Variants in SLC24A2 observed in about 807,000 individuals in gnomAD.
SLC24A2 encodes the protein sodium/potassium/calcium exchanger 2.
Under a neutral mutation model 62.0 loss-of-function variants are expected in SLC24A2, and 36 were observed. The observed-to-expected ratio is 0.58, with a 90% CI of 0.44 to 0.77. The LOEUF (loss-of-function observed/expected upper bound fraction) is 0.77, where lower values mean the gene tolerates loss of function less well. Among genes scored for constraint, SLC24A2 ranks in the 30% least tolerant of loss-of-function variants. The pLI is 0.00. For missense variants in SLC24A2, 846 were observed against 817.9 expected, an observed-to-expected ratio of 1.03 and a Z score of -0.42; for synonymous variants, 358 against 294.0, an observed-to-expected ratio of 1.22 and a Z score of -2.23.
chr9:19,873,241 C>A, the SLC24A2 span, among the ~76,000 whole-genome samples: 2 of 151,610 alleles, frequency 1.3e-5, no homozygotes, highest in African/African-American at 4.8e-5. Flanking sequence ...TCGTCTTCCT[C>A]CTCTTTCTCT....
At chr9:19,718,995 T>C (rs1398565885) in intron 2 of SLC24A2, among the ~76,000 whole-genome samples, 2 of 152,214 alleles carry the variant, frequency 1.3e-5, no homozygotes, top group Non-Finnish European at 2.9e-5. Flanking sequence ...GCTGTCACAC[T>C]GAATATTAGA....
At chr9:19,663,902 G>T (rs534331886) in intron 2 of SLC24A2, among the ~76,000 whole-genome samples, 1 of 152,212 alleles carries the variant, frequency 6.6e-6, no homozygotes, top group Admixed American at 6.5e-5. Flanking sequence ...TTGCAAAGAG[G>T]AATTGATTTC....
the SLC24A2 span, among the ~76,000 whole-genome samples, chr9:19,954,108 A>T: frequency 6.6e-6 from 1 of 152,178 alleles, no homozygotes; most frequent in Non-Finnish European, 1.5e-5. Flanking sequence ...AAGTTTAAAT[A>T]TGTTAAATCT....
At chr9:19,828,494 T>G in the SLC24A2 span, among the ~76,000 whole-genome samples, 2,982 of 152,230 alleles carry the variant, frequency 0.02, 95 homozygotes, top group African/African-American at 0.068. Flanking sequence ...CAAAAGAACC[T>G]GAATATGAAT....
At chr9:19,954,777 G>C in the SLC24A2 span, among the ~76,000 whole-genome samples, 1 of 152,084 alleles carries the variant, frequency 6.6e-6, no homozygotes, top group Non-Finnish European at 1.5e-5. Flanking sequence ...CTTCTGAGAG[G>C]TGCAGTGTTG....
At chr9:19,791,397 T>G (rs1823319015), upstream of SLC24A2, among the ~76,000 whole-genome samples, 1 of 152,220 alleles carries the variant, frequency 6.6e-6, no homozygotes, top group South Asian at 2.1e-4. Context: ...GTGTAAACAG[T>G]ATTTCAACTG....
chr9:19,623,039 C>T (rs55682638), intron 2 of SLC24A2, among the ~76,000 whole-genome samples: 9,963 of 152,194 alleles, frequency 0.065, 425 homozygotes, highest in South Asian at 0.13. Context: ...CACATAAAGG[C>T]CTGGTAATCT....
chr9:20,065,289 C>A, the SLC24A2 span, among the ~76,000 whole-genome samples: 1 of 152,216 alleles, frequency 6.6e-6, no homozygotes, highest in Non-Finnish European at 1.5e-5. Flanking sequence ...CCAGACAAGA[C>A]AAAGGGTCTC....
At chr9:19,871,998 TTA>T in the SLC24A2 span, among the ~76,000 whole-genome samples, 2 of 152,102 alleles carry the variant, frequency 1.3e-5, no homozygotes, top group African/African-American at 4.8e-5. Context: ...CCTGTGGTTG[TTA>T]TATATCAGGA....
chr9:19,828,994 A>C, the SLC24A2 span, among the ~76,000 whole-genome samples: 1 of 152,014 alleles, frequency 6.6e-6, no homozygotes, highest in Non-Finnish European at 1.5e-5. Context: ...ACTGCCTACT[A>C]ATTCCCAGAC....
intron 2 of SLC24A2, among the ~76,000 whole-genome samples, chr9:19,779,133 G>T (rs1367616405): frequency 6.6e-6 from 1 of 152,192 alleles, no homozygotes; most frequent in African/African-American, 2.4e-5. Flanking sequence ...ACCATGAACA[G>T]TGAAAACACG....
the SLC24A2 span, among the ~76,000 whole-genome samples, chr9:20,133,093 A>T: frequency 6.6e-6 from 1 of 152,090 alleles, no homozygotes; most frequent in Non-Finnish European, 1.5e-5. Flanking sequence ...GGTGAGCCTG[A>T]CTTAATCAGT....
the SLC24A2 span, among the ~76,000 whole-genome samples, chr9:20,016,033 G>C: frequency 6.6e-6 from 1 of 152,138 alleles, no homozygotes; most frequent in Non-Finnish European, 1.5e-5. Flanking sequence ...AAATTTTAAA[G>C]TGTACATCAC....
chr9:19,984,199 C>A, the SLC24A2 span, among the ~76,000 whole-genome samples: 2 of 152,024 alleles, frequency 1.3e-5, no homozygotes, highest in Non-Finnish European at 2.9e-5. Context: ...CAATCTCTAT[C>A]AAAATTCCAA....
At chr9:20,214,872 G>A in the SLC24A2 span, among the ~76,000 whole-genome samples, 5 of 152,130 alleles carry the variant, frequency 3.3e-5, no homozygotes, top group Non-Finnish European at 7.4e-5. Flanking sequence ...AACACTGGGA[G>A]TAACCATAGT....
At chr9:19,714,862 T>C (rs1269152622) in intron 2 of SLC24A2, among the ~76,000 whole-genome samples, 2 of 152,290 alleles carry the variant, frequency 1.3e-5, no homozygotes, top group South Asian at 2.1e-4. Flanking sequence ...TCTTTAGACA[T>C]GTTTGCCCTA....
the SLC24A2 span, among the ~76,000 whole-genome samples, chr9:20,170,136 A>G: frequency 2.9e-5 from 4 of 138,404 alleles, no homozygotes; most frequent in African/African-American, 1.2e-4. Context: ...AAAGACAAAA[A>G]GAAAAAAAAA....
the SLC24A2 span, among the ~76,000 whole-genome samples, chr9:20,037,196 C>A: frequency 6.6e-6 from 1 of 152,112 alleles, no homozygotes; most frequent in Non-Finnish European, 1.5e-5. Context: ...CTGCACCTGG[C>A]CTATATTTTA....
At chr9:20,172,374 C>A in the SLC24A2 span, among the ~76,000 whole-genome samples, 3 of 151,748 alleles carry the variant, frequency 2.0e-5, no homozygotes, top group African/African-American at 7.2e-5. Flanking sequence ...GAAATTGAAA[C>A]AAACAAAAAC....
Sources: gnomAD v4.1 joint callset for allele counts (sites outside exome capture counted in the v4.1 genomes callset) on GRCh38, gnomAD v4.1.1 for gene constraint, MANE v1.5 for transcripts, NCBI Gene and HGNC (gene_info 2026-07-23, HGNC 2026-07-21) for gene names.